The following PDE10A variants were observed in gnomAD, a reference collection of about 807,000 sequenced individuals.
PDE10A encodes the protein cAMP and cAMP-inhibited cGMP 3',5'-cyclic phosphodiesterase 10A.
PDE10A carries 39 observed loss-of-function variants against 97.7 expected under a neutral mutation model. The observed-to-expected ratio is 0.40, with a 90% confidence interval of 0.31 to 0.52. The LOEUF is 0.52. PDE10A is among the 20% of genes least tolerant of loss of function. The pLI, the probability that PDE10A is intolerant of heterozygous loss-of-function variation, is 0.56. For missense variants in PDE10A, 731 were observed against 1,047.8 expected (o/e 0.70, Z 4.17); for synonymous variants, 371 against 376.8 (o/e 0.98, Z 0.18).
intron 1 of PDE10A, among the ~76,000 whole-genome samples, chr6:165,902,823 C>T (rs996191478): frequency 1.3e-5 from 2 of 152,216 alleles, no homozygotes; most frequent in African/African-American, 4.8e-5. Context: ...ACACAGGTAA[C>T]AGTGAGTCCC....
At chr6:165,347,241 A>G (rs1782374502) in intron 18 of PDE10A, among the ~76,000 whole-genome samples, 1 of 152,160 alleles carries the variant, frequency 6.6e-6, no homozygotes. Context: ...AAACTAGCCT[A>G]AGAATAATAC....
chr6:165,939,729 G>A (rs1400180918), intron 1 of PDE10A: 8 of 152,234 alleles, frequency 5.3e-5, no homozygotes, highest in African/African-American at 1.4e-4. Context: ...GGAGGAGCAG[G>A]TAGGGAAATG....
chr6:165,792,114 T>C (rs370529171), intron 1 of PDE10A, among the ~76,000 whole-genome samples: 1 of 152,226 alleles, frequency 6.6e-6, no homozygotes, highest in East Asian at 1.9e-4. Context: ...GCACCCTCAG[T>C]CATGCACCCG....
intron 1 of PDE10A, among the ~76,000 whole-genome samples, chr6:165,622,972 C>T (rs1788215794): frequency 6.6e-6 from 1 of 152,162 alleles, no homozygotes; most frequent in African/African-American, 2.4e-5. Context: ...CCCACCCTTA[C>T]TCCTGCTCTT....
intron 1 of PDE10A, among the ~76,000 whole-genome samples, chr6:165,755,898 C>T (rs1793106757): frequency 6.6e-6 from 1 of 152,084 alleles, no homozygotes; most frequent in African/African-American, 2.4e-5. Flanking sequence ...CGTATATTTC[C>T]CTGCAATTCT....
At chr6:165,337,026 C>T (rs1468974443) in intron 20 of PDE10A, among the ~76,000 whole-genome samples, 1 of 152,184 alleles carries the variant, frequency 6.6e-6, no homozygotes, top group African/African-American at 2.4e-5. Context: ...CCAATATTTA[C>T]TCATCCTCCC....
intron 6 of PDE10A, among the ~76,000 whole-genome samples, chr6:165,433,683 T>C (rs772109977): frequency 3.9e-5 from 6 of 152,152 alleles, no homozygotes; most frequent in Non-Finnish European, 7.4e-5. Context: ...AATTGGTTCT[T>C]TGATTTTAAA....
chr6:165,774,000 T>A (rs1169343272), intron 1 of PDE10A, among the ~76,000 whole-genome samples: 4 of 152,008 alleles, frequency 2.6e-5, no homozygotes, highest in Non-Finnish European at 5.9e-5. Context: ...CCATCAAAAC[T>A]TTTCAATTTA....
At chr6:165,379,504 T>A (rs1049025079) in intron 17 of PDE10A, 138 bp from the exon 18 acceptor site, 21 of 622,636 alleles carry the variant, frequency 3.4e-5, no homozygotes, top group Non-Finnish European at 5.2e-5. Context: ...AACTTTTGTT[T>A]TTTTTGAATA....
intron 1 of PDE10A, among the ~76,000 whole-genome samples, chr6:165,676,901 A>G (rs897026110): frequency 6.6e-6 from 1 of 152,108 alleles, no homozygotes; most frequent in African/African-American, 2.4e-5. Flanking sequence ...CACTCACAGC[A>G]TGGCTGGGGC....
At position 165,742,793 on chromosome 6, in the gene PDE10A, C is replaced by A. The variant is rs145479797; in HGVS notation, c.-614-199225G>T. ...GCCTCTCAGCTGTGCTCTTCCACCC[C>A]CTACGTCCCACTGCTGAGGGAGGGG... On this transcript the variant is annotated intron_variant, in intron 1 of 19. Coordinates refer to the PDE10A transcript ENST00000366882. Among the ~76,000 whole-genome samples, 913 of 152,228 alleles carry A rather than the reference C, an allele frequency of 6.0e-3. 9 individuals carry two copies. The highest frequency in any genetic ancestry group is 0.027 in the Middle Eastern group (8 of 294).
chr6:165,847,541 G>C (rs1212216016), intron 1 of PDE10A, among the ~76,000 whole-genome samples: 1 of 152,264 alleles, frequency 6.6e-6, no homozygotes, highest in African/African-American at 2.4e-5. Context: ...AACATGCAGG[G>C]AGGTAACCTG....
chr6:165,788,480 T>G (rs1226185281), intron 1 of PDE10A, among the ~76,000 whole-genome samples: 1 of 122,278 alleles, frequency 8.2e-6, no homozygotes, highest in East Asian at 2.5e-4. Flanking sequence ...ATCACACCAT[T>G]GCACTCCAGC....
At chr6:165,612,237 C>T (rs1428862632) in intron 1 of PDE10A, among the ~76,000 whole-genome samples, 1 of 152,142 alleles carries the variant, frequency 6.6e-6, no homozygotes, top group East Asian at 1.9e-4. Context: ...ACTATGGCAA[C>T]CCTAGGGGAG....
At chr6:165,577,996 G>A (rs902810236) in intron 1 of PDE10A, among the ~76,000 whole-genome samples, 4 of 152,152 alleles carry the variant, frequency 2.6e-5, no homozygotes, top group Admixed American at 1.3e-4. Flanking sequence ...CTCCACAGGC[G>A]TCTGCTCGCC....
At chr6:165,613,090 G>C (rs185686313) in intron 1 of PDE10A, among the ~76,000 whole-genome samples, 13 of 152,136 alleles carry the variant, frequency 8.5e-5, no homozygotes, top group African/African-American at 3.1e-4. Context: ...CTTCACATAG[G>C]CATACTTTAA....
intron 1 of PDE10A, among the ~76,000 whole-genome samples, chr6:165,729,251 C>T (rs955444761): frequency 6.6e-6 from 1 of 151,398 alleles, no homozygotes; most frequent in Non-Finnish European, 1.5e-5. Flanking sequence ...TCAGTGAAAC[C>T]GAATATCAAC....
At chr6:165,965,059 A>G (rs1784470303) in intron 1 of PDE10A, among the ~76,000 whole-genome samples, 2 of 152,260 alleles carry the variant, frequency 1.3e-5, no homozygotes, top group Non-Finnish European at 2.9e-5. Context: ...ACGGCCACCC[A>G]GGTGCCTTAC....
chr6:165,396,752 C>T (rs976688832), intron 13 of PDE10A, among the ~76,000 whole-genome samples: 3 of 151,988 alleles, frequency 2.0e-5, no homozygotes, highest in South Asian at 4.1e-4. Flanking sequence ...TCTGTATTTC[C>T]GCATTTTTAA....
Sources: allele counts gnomAD v4.1 joint callset (sites outside exome capture counted in the v4.1 genomes callset), GRCh38; gene constraint gnomAD v4.1.1; transcripts MANE v1.5; gene names NCBI Gene and HGNC (gene_info 2026-07-23, HGNC 2026-07-21).